The following CAPN8 variants were observed in gnomAD, a reference collection of about 807,000 sequenced individuals.
The protein encoded by CAPN8 is calpain 8, also known as calpain-8.
Under a neutral mutation model 80.9 loss-of-function variants are expected in CAPN8, and 87 were observed. That is an observed-to-expected ratio of 1.07 (90% CI 0.90 to 1.28). CAPN8 has a LOEUF of 1.28. CAPN8 is among the 50% of genes most tolerant of loss of function. CAPN8 has a pLI of 0.00. For synonymous variants in CAPN8, 299 were observed against 273.8 expected, an observed-to-expected ratio of 1.09 and a Z score of -0.91; for missense variants, 757 against 702.0, an observed-to-expected ratio of 1.08 and a Z score of -0.89.
chr1:223,646,602 C>T (rs190282864), intron 2 of CAPN8, among the ~76,000 whole-genome samples: 21 of 152,352 alleles, frequency 1.4e-4, no homozygotes, highest in East Asian at 1.3e-3. Flanking sequence ...TGAGCAACCG[C>T]GTTGTCTTCA....
chr1:223,648,551 C>T (rs371360220), intron 2 of CAPN8, among the ~76,000 whole-genome samples: 10 of 152,192 alleles, frequency 6.6e-5, no homozygotes, highest in African/African-American at 1.4e-4. Context: ...GCATGCCAGG[C>T]CCCTGTTCCA....
intron 19 of CAPN8, 97 bp from the exon 20 acceptor site, chr1:223,543,263 G>A: frequency 5.7e-6 from 8 of 1,404,212 alleles, no homozygotes; most frequent in South Asian, 2.7e-5. Flanking sequence ...CCCACCTGCG[G>A]AACTCTCCTT....
chr1:223,628,663 T>C lies in CAPN8; in HGVS notation c.425A>G (p.Gln142Arg). 5 of 1,549,962 alleles carry C rather than the reference T, an allele frequency of 3.2e-6. No homozygotes were observed. Among genetic ancestry groups the C allele is most frequent in the Non-Finnish European group, 4.4e-6 (5 of 1,145,406 alleles). The change falls in exon 3 of 21, where the codon CAG becomes CGG. Residue 142 changes from glutamine to arginine, a missense_variant and splice_region_variant. Gln to Arg is a conservative substitution (Grantham distance 43). Coordinates refer to ENST00000366872, the MANE Select transcript of CAPN8 (RefSeq NM_001143962.2). The stretch of plus-strand genomic sequence containing the variant: ...AAGGGCCAGAGCAGAGCACAGTACC[T>C]GAAAGTGAAAGATTCCCGCATAGTT... The part of the protein sequence containing the change: ...QENYAGIFHF[Q>R]FWQYGEWVEV...
chr1:223,634,848 G>A (rs371653622), intron 2 of CAPN8, among the ~76,000 whole-genome samples: 103 of 152,306 alleles, frequency 6.8e-4, no homozygotes, highest in African/African-American at 2.3e-3. Flanking sequence ...TATGAATGGC[G>A]GGAGCGGGGA....
At position 223,653,677 on chromosome 1, in the gene CAPN8, T is replaced by C. The variant is rs1029790753; in HGVS notation, c.307+653A>G. ...GTCCAATTCAACGCAGAAACTCCCA[T>C]CTGTGAAGCCTTGGTATCGGGAGGG... is the stretch of plus-strand genomic sequence containing the variant. On this transcript the variant is annotated intron_variant, in intron 2 of 20. Coordinates refer to ENST00000366872, the MANE Select transcript of CAPN8 (RefSeq NM_001143962.2). Among the ~76,000 whole-genome samples, 7 of 152,152 alleles carry C rather than the reference T, an allele frequency of 4.6e-5. No individual in the cohort carries two copies. In the South Asian group the frequency reaches 1.2e-3, roughly 27 times the overall value.
intron 1 of CAPN8, among the ~76,000 whole-genome samples, chr1:223,656,676 G>GTTTTTTTTTTT (rs201821198): frequency 2.9e-4 from 26 of 88,336 alleles, no homozygotes; most frequent in African/African-American, 4.3e-4. Context: ...GGGTTTTTTT[G>GTTTTTTTTTTT]TTTTGTTTTT....
At chr1:223,653,340 G>A (rs528306748) in intron 2 of CAPN8, among the ~76,000 whole-genome samples, 163 of 151,860 alleles carry the variant, frequency 1.1e-3, no homozygotes, top group Admixed American at 2.7e-3. Context: ...CATTGGAAGC[G>A]TTTAAAATAA....
At chr1:223,630,386 G>A (rs1657740691) in intron 2 of CAPN8, among the ~76,000 whole-genome samples, 1 of 152,066 alleles carries the variant, frequency 6.6e-6, no homozygotes, top group African/African-American at 2.4e-5. Flanking sequence ...GCCCAGGCTG[G>A]AGTACAGTAG....
At chr1:223,649,852 A>T (rs560855021) in intron 2 of CAPN8, among the ~76,000 whole-genome samples, 1 of 152,324 alleles carries the variant, frequency 6.6e-6, no homozygotes, top group South Asian at 2.1e-4. Context: ...TGTGTAAGAC[A>T]GTCTCATGGA....
rs1208361689 is a variant in CAPN8, at chr1:223,627,172, A to C, written c.561-15T>G. On this transcript the variant is annotated splice_polypyrimidine_tract_variant and intron_variant, in intron 4 of 20. Transcript: ENST00000366872. ...AACCATTAAGCCTATTGGAAAAGAAAGAACACATGCTCCATTAGCACCCTC... is the reference window on the plus strand; with the variant it reads ...AACCATTAAGCCTATTGGAAAAGAACGAACACATGCTCCATTAGCACCCTC... The C allele has an allele frequency of 1.3e-6, 2 of 1,552,048 alleles. No homozygotes were observed. The highest frequency in any genetic ancestry group is 2.4e-5 in the South Asian group (2 of 84,050).
At position 223,555,970 on chromosome 1, in the gene CAPN8, C is replaced by T. The variant is rs1255111025; in HGVS notation, c.1573-2070G>A. Among the ~76,000 whole-genome samples the T allele has an allele frequency of 2.0e-5, 3 of 152,334 alleles. No individual in the cohort carries two copies. In the East Asian group the frequency reaches 5.8e-4, roughly 29 times the overall value. ...CGTACTATAGTGGAATTTTCTATTT[C>T]CCTGATACAATCTATATGAAAATGC... On this transcript the variant is annotated intron_variant, in intron 13 of 20. Transcript: ENST00000366872.
Position 223,650,542 on chromosome 1 carries a change from C to T in CAPN8, c.307+3788G>A, listed in dbSNP as rs140306470. ...TGAGGGAAAGTCTGGAATCATTAGT[C>T]GTCCTGTTTCCTGCCAGATGGATCC... On this transcript the variant is annotated intron_variant, in intron 2 of 20. Coordinates refer to ENST00000366872, the MANE Select transcript of CAPN8 (RefSeq NM_001143962.2). Among the ~76,000 whole-genome samples the T allele has an allele frequency of 1.6e-3, 237 of 152,286 alleles. 1 individual carries two copies. Among genetic ancestry groups the T allele is most frequent in the African/African-American group, 5.0e-3 (207 of 41,558 alleles).
chr1:223,657,362 T>G (rs1418256023), intron 1 of CAPN8, among the ~76,000 whole-genome samples: 6 of 152,104 alleles, frequency 3.9e-5, no homozygotes, highest in Middle Eastern at 6.8e-3. Context: ...AAATTTTAAT[T>G]TAAATGTTGT....
intron 2 of CAPN8, among the ~76,000 whole-genome samples, chr1:223,631,978 A>G (rs888269307): frequency 1.3e-5 from 2 of 151,828 alleles, no homozygotes; most frequent in Non-Finnish European, 2.9e-5. Flanking sequence ...CCGACAGCCC[A>G]CCCAGAGCAC....
chr1:223,545,229 A>T lies in CAPN8; in HGVS notation c.1833+2T>A. On this transcript the variant is annotated splice_donor_variant, in intron 17 of 20. Coordinates refer to ENST00000366872, the MANE Select transcript of CAPN8 (RefSeq NM_001143962.2). LOFTEE classifies it high-confidence loss of function. ...GGATGCCCAGAAGGAAAAGAGAGTT[A>T]CCAGATACTTCTGAATCTTCAGCCA... The T allele has an allele frequency of 6.4e-7, 1 of 1,551,678 alleles. No homozygotes were observed. The highest frequency in any genetic ancestry group is 8.7e-7 in the Non-Finnish European group (1 of 1,146,966).
In CAPN8 at chr1:223,665,479, T is replaced by G. The variant is rs140750184; in HGVS notation, c.168A>C (p.Ser56=). Residue 56 remains serine, a synonymous_variant, in exon 1 of 21, where the codon TCA becomes TCC. Transcript: ENST00000366872. ...FKDPEFPACP[S]ALGYKDLGPG... ...GTCCAAGATCCTTGTAGCCCAAAGC[T>G]GATGGACATGCTGGGAACTCAGGGT... 6.4e-7 allele frequency: 1 copy of G among 1,551,960 alleles called. No homozygotes were observed. Among genetic ancestry groups the G allele is most frequent in the Non-Finnish European group, 8.7e-7 (1 of 1,147,046 alleles).
At chr1:223,656,630 G>T (rs543564101) in intron 1 of CAPN8, among the ~76,000 whole-genome samples, 2 of 146,084 alleles carry the variant, frequency 1.4e-5, no homozygotes, top group African/African-American at 5.1e-5. Flanking sequence ...GCTGTCTTCT[G>T]ATATGAAAGC....
chr1:223,541,829 C>T lies in CAPN8; in HGVS notation c.*7G>A, dbSNP rs1311635479. 1 of 1,551,286 alleles carries T rather than the reference C, an allele frequency of 6.4e-7. No individual in the cohort carries two copies. The highest frequency in any genetic ancestry group is 1.4e-5 in the African/African-American group (1 of 72,982). On this transcript the variant is annotated 3_prime_UTR_variant, in exon 21 of 21. Transcript: ENST00000366872. Reference sequence around the variant, plus strand: ...CAGGGAGTGTCACTGATGTCCGAAACCCCGGGTCAGACCAACACGCAGCAC... The same window carrying T: ...CAGGGAGTGTCACTGATGTCCGAAATCCCGGGTCAGACCAACACGCAGCAC...
intron 14 of CAPN8, among the ~76,000 whole-genome samples, chr1:223,551,926 G>A (rs1180008287): frequency 2.0e-5 from 3 of 152,134 alleles, no homozygotes; most frequent in African/African-American, 7.2e-5. Flanking sequence ...CTCAAACTGG[G>A]GGCAGAGATT....
Sources: gnomAD v4.1 joint callset for allele counts (sites outside exome capture counted in the v4.1 genomes callset) on GRCh38, gnomAD v4.1.1 for gene constraint, MANE v1.5 for transcripts, NCBI Gene and HGNC (gene_info 2026-07-23, HGNC 2026-07-21) for gene names.